Variants in MAGI2 observed in about 807,000 individuals in gnomAD.
The protein encoded by MAGI2 is membrane associated guanylate kinase, WW and PDZ domain containing 2.
In MAGI2, 35 loss-of-function variants were observed where a neutral mutation model predicts 133.3. That is an observed-to-expected ratio of 0.26 (90% confidence interval 0.20 to 0.35). The LOEUF is 0.35. Ranked by LOEUF, MAGI2 falls within the 10% of genes least tolerant of loss-of-function variation. MAGI2 has a pLI of 1.00. For missense variants in MAGI2, 1,636 were observed against 1,863.4 expected (o/e 0.88, Z 2.25); for synonymous variants, 729 against 710.6 (o/e 1.03, Z -0.41).
intron 2 of MAGI2, among the ~76,000 whole-genome samples, chr7:78,628,144 G>A (rs1163627926): frequency 6.6e-6 from 1 of 152,210 alleles, no homozygotes. Context: ...GGCAAGAGCA[G>A]AAACAGAGAC....
At chr7:78,527,430 T>C (rs1034375517) in intron 3 of MAGI2, among the ~76,000 whole-genome samples, 10 of 152,226 alleles carry the variant, frequency 6.6e-5, no homozygotes, top group African/African-American at 2.4e-4. Context: ...TCCTCTCAGA[T>C]TTTTTCACAT....
chr7:78,505,745 G>C (rs779195838), intron 4 of MAGI2, among the ~76,000 whole-genome samples: 5 of 152,176 alleles, frequency 3.3e-5, no homozygotes, highest in Non-Finnish European at 7.3e-5. Context: ...ATAATTTTAA[G>C]TGTGATGAGT....
chr7:79,234,497 T>A (rs568587606), intron 1 of MAGI2, among the ~76,000 whole-genome samples: 1 of 151,958 alleles, frequency 6.6e-6, no homozygotes, highest in African/African-American at 2.4e-5. Flanking sequence ...TCATTTCTTT[T>A]TATTCTTTTT....
intron 2 of MAGI2, among the ~76,000 whole-genome samples, chr7:78,916,854 C>T (rs1416422248): frequency 1.3e-5 from 2 of 152,094 alleles, no homozygotes; most frequent in Non-Finnish European, 2.9e-5. Flanking sequence ...TGTTCTGTGA[C>T]ATTCTGAAGG....
At chr7:79,046,401 A>G (rs1812185690) in intron 1 of MAGI2, among the ~76,000 whole-genome samples, 1 of 152,198 alleles carries the variant, frequency 6.6e-6, no homozygotes, top group Non-Finnish European at 1.5e-5. Context: ...AACCAACCCT[A>G]CAGACATCTT....
intron 2 of MAGI2, among the ~76,000 whole-genome samples, chr7:78,908,728 A>G (rs1176881323): frequency 6.6e-6 from 1 of 152,244 alleles, no homozygotes; most frequent in African/African-American, 2.4e-5. Context: ...CTTTAGAGCA[A>G]CTAACTGAAT....
At chr7:78,630,484 A>T (rs1484596856) in intron 2 of MAGI2, among the ~76,000 whole-genome samples, 3 of 136,748 alleles carry the variant, frequency 2.2e-5, no homozygotes, top group Non-Finnish European at 4.5e-5. Context: ...TGGTGTGATC[A>T]CGGCTCACTG....
intron 2 of MAGI2, chr7:78,770,831 G>A (rs766650621): frequency 6.6e-6 from 1 of 152,236 alleles, no homozygotes; most frequent in Admixed American, 6.5e-5. Flanking sequence ...CCAGACCCGG[G>A]TCAGTTTCAG....
At position 78,194,871 on chromosome 7, in the gene MAGI2, T is replaced by TA; in HGVS notation, c.2269+2dup. 1 of 1,596,220 alleles carries TA rather than the reference T, an allele frequency of 6.3e-7. No individual in the cohort carries two copies. The highest frequency in any genetic ancestry group is 8.5e-7 in the Non-Finnish European group (1 of 1,172,812). On this transcript the variant is annotated splice_region_variant and intron_variant, in intron 12 of 21. Coordinates refer to ENST00000354212, the MANE Select transcript of MAGI2 (RefSeq NM_012301.4). Reference sequence around the variant, plus strand: ...ACCCTTGTTTCATGTGGCTTTCACTTACGCCTACTTTCATAAATGGCCCTA... The same window carrying TA: ...ACCCTTGTTTCATGTGGCTTTCACTTAACGCCTACTTTCATAAATGGCCCTA...
intron 2 of MAGI2, among the ~76,000 whole-genome samples, chr7:78,933,014 C>T (rs1800251051): frequency 6.6e-6 from 1 of 152,044 alleles, no homozygotes; most frequent in Non-Finnish European, 1.5e-5. Context: ...TGCATCCTTG[C>T]TATTTTCAAG....
intron 1 of MAGI2, among the ~76,000 whole-genome samples, chr7:79,235,766 C>T (rs1347823001): frequency 3.3e-5 from 5 of 152,194 alleles, no homozygotes; most frequent in African/African-American, 4.8e-5. Context: ...GCGTCGCTCA[C>T]GCTGGGAGCT....
chr7:78,915,145 A>G (rs1798693410), intron 2 of MAGI2, among the ~76,000 whole-genome samples: 1 of 152,148 alleles, frequency 6.6e-6, no homozygotes, highest in African/African-American at 2.4e-5. Flanking sequence ...TGCTCCCGCT[A>G]TAATAATTTC....
rs78151349 is a variant in MAGI2 at position 78,565,397 on chromosome 7, C to T, written c.539-43752G>A. Among the ~76,000 whole-genome samples the T allele has an allele frequency of 8.6e-3, 1,301 of 150,996 alleles. 8 individuals carry two copies. The highest frequency in any genetic ancestry group is 0.024 in the Middle Eastern group (7 of 294). On this transcript the variant is annotated intron_variant, in intron 3 of 21. Transcript: ENST00000354212. ...GGAGGATCGTTTGAGCCCAAGATTT[C>T]GATGTTACAGTGAGCCATGATTACA... is the stretch of plus-strand genomic sequence containing the variant.
chr7:79,409,290 C>T (rs1299207861), intron 1 of MAGI2, among the ~76,000 whole-genome samples: 1 of 151,796 alleles, frequency 6.6e-6, no homozygotes, highest in Non-Finnish European at 1.5e-5. Context: ...CTGTCTCTCT[C>T]TCTCCCTCTT....
chr7:78,825,227 A>G lies in MAGI2; in HGVS notation c.418+181863T>C, dbSNP rs115831839. 9.4e-3 allele frequency among the ~76,000 whole-genome samples: 1,426 copies of G among 152,322 alleles called. 31 individuals carry two copies. Among genetic ancestry groups the G allele is most frequent in the African/African-American group, 0.032 (1,333 of 41,576 alleles). On this transcript the variant is annotated intron_variant, in intron 2 of 21. Transcript: ENST00000354212. The stretch of plus-strand genomic sequence containing the variant: ...CGTAACAAACTTGCACATTCTGCAT[A>G]TGTATCCCAGAACTTAAAGTAAAAT...
intron 1 of MAGI2, among the ~76,000 whole-genome samples, chr7:79,444,895 C>T (rs533927670): frequency 9.9e-5 from 15 of 152,280 alleles, no homozygotes; most frequent in South Asian, 6.2e-4. Flanking sequence ...GGAGGCATCA[C>T]GCTATCTGAC....
chr7:78,438,964 C>T (rs1286019920), intron 6 of MAGI2, among the ~76,000 whole-genome samples: 1 of 152,140 alleles, frequency 6.6e-6, no homozygotes, highest in African/African-American at 2.4e-5. Flanking sequence ...GAATTAACTG[C>T]AAGTGCATCA....
intron 1 of MAGI2, among the ~76,000 whole-genome samples, chr7:79,447,999 A>C (rs1289454045): frequency 6.6e-6 from 1 of 151,918 alleles, no homozygotes; most frequent in African/African-American, 2.4e-5. Context: ...TAATATAAGA[A>C]GTATAAACTC....
intron 1 of MAGI2, among the ~76,000 whole-genome samples, chr7:79,451,154 G>A (rs1315634079): frequency 6.6e-6 from 1 of 152,130 alleles, no homozygotes; most frequent in African/African-American, 2.4e-5. Context: ...GCCTCAACAA[G>A]GAGTGCTCAG....
Sources: gnomAD v4.1 joint callset for allele counts (sites outside exome capture counted in the v4.1 genomes callset) on GRCh38, gnomAD v4.1.1 for gene constraint, MANE v1.5 for transcripts, NCBI Gene and HGNC (gene_info 2026-07-23, HGNC 2026-07-21) for gene names.